The following TRMT2B variants were observed in gnomAD, a reference collection of about 807,000 sequenced individuals.
The protein encoded by TRMT2B is tRNA methyltransferase 2B, also known as tRNA (uracil-5-)-methyltransferase homolog B.
A neutral mutation model predicts 39.7 loss-of-function variants in TRMT2B; 34 were observed. That is an observed-to-expected ratio of 0.86 (90% CI 0.65 to 1.14). The LOEUF is 1.14. Among genes scored for constraint, TRMT2B ranks in the 50% most tolerant of loss-of-function variants. The probability of loss-of-function intolerance (pLI) is 0.00; values close to 1 mark genes in which losing one functional copy is unlikely to be tolerated. For synonymous variants in TRMT2B, 132 were observed against 137.3 expected, an observed-to-expected ratio of 0.96 and a Z score of 0.27; for missense variants, 318 against 377.2, an observed-to-expected ratio of 0.84 and a Z score of 1.30.
chrX:101,020,614 G>GAAC, intron 10 of TRMT2B, 26 bp from the exon 11 acceptor site: 2 of 1,109,279 alleles, frequency 1.8e-6, no homozygotes, highest in Non-Finnish European at 2.5e-6. Context: ...AGAAGAAGAA[G>GAAC]AAGGCATTTT....
chrX:101,028,502 T>C (rs1051300884), intron 7 of TRMT2B, among the ~76,000 whole-genome samples: 2 of 111,344 alleles, frequency 1.8e-5, no homozygotes, highest in African/African-American at 6.5e-5. Flanking sequence ...ATCTCCACTG[T>C]TACCACTGAT....
Position 101,023,515 on chromosome X carries a change from C to G in TRMT2B, c.711G>C (p.Gly237=). Residue 237 remains glycine (G), a synonymous_variant, in exon 8 of 14, where the codon GGG becomes GGC. Transcript: ENST00000372936. ...RELTVRTNSQ[G]HTMAIITFHP... ...GGAAAGTGATGATAGCCATTGTGTG[C>G]CCTTGGCTATTGGTGCGGACTGTGA... The G allele has an allele frequency of 8.3e-7, 1 of 1,209,777 alleles. No individual in the cohort carries two copies. The highest frequency in any genetic ancestry group is 1.1e-6 in the Non-Finnish European group (1 of 893,867).
chrX:101,019,065 T>C lies in TRMT2B; in HGVS notation c.1294A>G (p.Lys432Glu). 8.4e-7 allele frequency: 1 copy of C among 1,195,133 alleles called. No homozygotes were observed. Among genetic ancestry groups the C allele is most frequent in the Non-Finnish European group, 1.1e-6 (1 of 880,576 alleles). Reference sequence around the variant, plus strand: ...AAGTTTCGAATGGCTTGAATCACCTTGTAATCTGAAGGAAGAAACACCTTG... The same window carrying C: ...AAGTTTCGAATGGCTTGAATCACCTCGTAATCTGAAGGAAGAAACACCTTG... ...VNPARAGLHY[K>E]VIQAIRNFRA... is the part of the protein sequence containing the mutation. Residue 432 changes from lysine (K) to glutamate (E), a missense_variant, in exon 13 of 14, where the codon AAG (lysine) becomes GAG (glutamate). Coordinates refer to ENST00000372936, the MANE Select transcript of TRMT2B (RefSeq NM_024917.6).
In TRMT2B at chrX:101,042,040, A is replaced by G; in HGVS notation, c.248+2T>C. ...GAGAGAGGACATCAGCCTGGCCTTT[A>G]CCTTTCCTGCCAGGAACCATCTAGT... On this transcript the variant is annotated splice_donor_variant, in intron 3 of 13. Transcript: ENST00000372936. LOFTEE classifies it high-confidence loss of function. The G allele has an allele frequency of 8.3e-7, 1 of 1,211,124 alleles. No homozygotes were observed. Among genetic ancestry groups the G allele is most frequent in the Non-Finnish European group, 1.1e-6 (1 of 895,296 alleles).
At chrX:100,973,603 C>A in the TRMT2B span, 2 of 1,040,184 alleles carry the variant, frequency 1.9e-6, no homozygotes, top group South Asian at 2.0e-5. Flanking sequence ...CCTGTTTAGT[C>A]ATAAGCTGAC....
chrX:100,988,825 T>G, the TRMT2B span, among the ~76,000 whole-genome samples: 1 of 86,294 alleles, frequency 1.2e-5, no homozygotes, highest in African/African-American at 4.6e-5. Context: ...TACAAGAACT[T>G]TATATATATA....
chrX:100,986,011 G>A, the TRMT2B span: 2 of 1,024,869 alleles, frequency 2.0e-6, no homozygotes, highest in Non-Finnish European at 2.6e-6. Context: ...GTCACACCCA[G>A]CTAGGCCTCC....
the TRMT2B span, among the ~76,000 whole-genome samples, chrX:100,995,609 C>T: frequency 3.8e-4 from 42 of 111,812 alleles, no homozygotes; most frequent in Non-Finnish European, 7.5e-4. Flanking sequence ...CGCGATCCCA[C>T]GCTCATGCTA....
intron 7 of TRMT2B, among the ~76,000 whole-genome samples, chrX:101,029,821 G>A (rs996951946): frequency 9.0e-6 from 1 of 111,674 alleles, no homozygotes; most frequent in Non-Finnish European, 1.9e-5. Flanking sequence ...GACCACAGAG[G>A]GGGACCTGAT....
the TRMT2B span, among the ~76,000 whole-genome samples, chrX:100,982,649 C>CTTT: frequency 3.3e-4 from 28 of 84,475 alleles, no homozygotes; most frequent in East Asian, 1.0e-2. Context: ...CTACAGTTTT[C>CTTT]TTTTTTTTTT....
At chrX:101,047,717 A>AG (rs2088778272) in intron 2 of TRMT2B, among the ~76,000 whole-genome samples, 1 of 110,367 alleles carries the variant, frequency 9.1e-6, no homozygotes, top group Non-Finnish European at 1.9e-5. Flanking sequence ...CTGTAATCCC[A>AG]CTACTCGGGA....
the TRMT2B span, among the ~76,000 whole-genome samples, chrX:101,003,932 G>C: frequency 3.6e-5 from 4 of 111,284 alleles, no homozygotes; most frequent in Admixed American, 2.9e-4. Flanking sequence ...CTGGGCTGAA[G>C]CAATCCTCCC....
intron 2 of TRMT2B, among the ~76,000 whole-genome samples, chrX:101,045,640 CAAAA>C (rs36072538): frequency 9.4e-4 from 77 of 82,201 alleles, no homozygotes; most frequent in African/African-American, 1.3e-3. Context: ...AACAAACAAA[CAAAA>C]AAAATTAGCT....
intron 2 of TRMT2B, among the ~76,000 whole-genome samples, chrX:101,042,921 C>T (rs1227884244): frequency 9.0e-6 from 1 of 111,368 alleles, no homozygotes; most frequent in Non-Finnish European, 1.9e-5. Context: ...CCACCTGAGC[C>T]ATGCAAGTAG....
the TRMT2B span, among the ~76,000 whole-genome samples, chrX:100,981,648 GA>G: frequency 0.011 from 1,106 of 98,260 alleles, 20 homozygotes; most frequent in African/African-American, 0.036. Context: ...AAAAAAAAAA[GA>G]AAAAAAAAAA....
At chrX:100,973,825 AATCTTCATAATAT>A in the TRMT2B span, 10 of 986,373 alleles carry the variant, frequency 1.0e-5, no homozygotes, top group South Asian at 2.0e-4. Context: ...TCAAGGGACA[AATCTTCATAATAT>A]ATATTGTTAG....
chrX:101,005,348 G>A (rs1602484453), downstream of TRMT2B, among the ~76,000 whole-genome samples: 1 of 111,199 alleles, frequency 9.0e-6, no homozygotes, highest in Non-Finnish European at 1.9e-5. Context: ...AGCTGAGATC[G>A]TGTCACTGCA....
chrX:100,991,374 T>TTTTTG, the TRMT2B span, among the ~76,000 whole-genome samples: 46 of 104,758 alleles, frequency 4.4e-4, no homozygotes, highest in East Asian at 9.4e-4. Context: ...CAGTGCTAAG[T>TTTTTG]TTTTGTTTTG....
At chrX:100,986,793 T>C in the TRMT2B span, 1,228 of 1,179,091 alleles carry the variant, frequency 1.0e-3, 8 homozygotes, top group African/African-American at 0.019. Flanking sequence ...TATGCTGTTT[T>C]AGTTTAGCAA....
Sources: gnomAD v4.1 joint callset for allele counts (sites outside exome capture counted in the v4.1 genomes callset) on GRCh38, gnomAD v4.1.1 for gene constraint, MANE v1.5 for transcripts, NCBI Gene and HGNC (gene_info 2026-07-23, HGNC 2026-07-21) for gene names.